Variants in PDE4B observed in about 807,000 individuals in gnomAD.
PDE4B encodes the protein 3',5'-cyclic-AMP phosphodiesterase 4B.
In PDE4B, 20 loss-of-function variants were observed where a neutral mutation model predicts 82.2. That is an observed-to-expected ratio of 0.24 (90% confidence interval 0.17 to 0.35). The LOEUF is 0.35. Among genes scored for constraint, PDE4B ranks in the 10% least tolerant of loss-of-function variants. PDE4B has a pLI of 1.00. For missense variants in PDE4B, 655 were observed against 907.2 expected, an observed-to-expected ratio of 0.72 and a Z score of 3.57; for synonymous variants, 320 against 318.9, an observed-to-expected ratio of 1.00 and a Z score of -0.04.
chr1:66,368,941 AAC>A lies in PDE4B; in HGVS notation c.1823_1824del (p.Thr608SerfsTer29). The A allele has an allele frequency of 6.2e-7, 1 of 1,610,970 alleles. No individual in the cohort carries two copies. The highest frequency in any genetic ancestry group is 8.5e-7 in the Non-Finnish European group (1 of 1,178,820). ...ATGGAAATTAGCCCAATGTGTGATA[AAC>A]ACACAGCTTCTGTGGAAAAATCCCA... On this transcript the variant is annotated frameshift_variant, in exon 16 of 17. Transcript: ENST00000341517. LOFTEE classifies it high-confidence loss of function.
At chr1:66,347,226 A>T (rs1000220262) in intron 8 of PDE4B, among the ~76,000 whole-genome samples, 1 of 152,194 alleles carries the variant, frequency 6.6e-6, no homozygotes, top group Non-Finnish European at 1.5e-5. Context: ...TGTTCAAAGC[A>T]TCTCTCCATC....
intron 3 of PDE4B, among the ~76,000 whole-genome samples, chr1:66,105,200 C>T (rs531320411): frequency 6.8e-6 from 1 of 146,748 alleles, no homozygotes; most frequent in Non-Finnish European, 1.5e-5. Flanking sequence ...ATAGGGAATC[C>T]TTTCCCCATT....
At position 65,918,708 on chromosome 1, in the gene PDE4B, T is replaced by C; in HGVS notation, c.154T>C (p.Leu52=). The change falls in exon 3 of 17, where the codon TTA becomes CTA. Residue 52 remains leucine, a synonymous_variant. Coordinates refer to ENST00000341517, the MANE Select transcript of PDE4B (RefSeq NM_002600.4). ...AAGGTGTTGCTCAGGAAACTTACAGTTACCACCACTGTCTCAAAGACAGAG... is the reference window on the plus strand; with the variant it reads ...AAGGTGTTGCTCAGGAAACTTACAGCTACCACCACTGTCTCAAAGACAGAG... ...GRRCCSGNLQ[L]PPLSQRQSER... 6.2e-7 allele frequency: 1 copy of C among 1,613,556 alleles called. No homozygotes were observed. The highest frequency in any genetic ancestry group is 1.3e-5 in the African/African-American group (1 of 75,044).
intron 2 of PDE4B, among the ~76,000 whole-genome samples, chr1:65,914,563 C>A (rs1352189033): frequency 3.4e-5 from 5 of 145,896 alleles, no homozygotes; most frequent in African/African-American, 1.3e-4. Context: ...GCTCAGGATA[C>A]CTAAAAGAAA....
chr1:66,313,368 G>A (rs1358961236), intron 7 of PDE4B, among the ~76,000 whole-genome samples: 1 of 152,200 alleles, frequency 6.6e-6, no homozygotes, highest in Non-Finnish European at 1.5e-5. Context: ...GGCAGTGACT[G>A]AGTGATTTAC....
chr1:66,127,327 A>G lies in PDE4B; in HGVS notation c.282-120133A>G, dbSNP rs139515523. ...TGTAGCTTTTTTGTAAGTTTAAACTATTTTCAAAATAAAAATGATGTAAAT... is the reference window on the plus strand; with the variant it reads ...TGTAGCTTTTTTGTAAGTTTAAACTGTTTTCAAAATAAAAATGATGTAAAT... On this transcript the variant is annotated intron_variant, in intron 3 of 16. Coordinates refer to ENST00000341517, the MANE Select transcript of PDE4B (RefSeq NM_002600.4). Among the ~76,000 whole-genome samples, 1,090 of 152,196 alleles carry G rather than the reference A, an allele frequency of 7.2e-3. 12 individuals are homozygous for G. Among genetic ancestry groups the G allele is most frequent in the African/African-American group, 0.024 (1,005 of 41,534 alleles).
chr1:65,850,440 T>C (rs1646318667), intron 1 of PDE4B, among the ~76,000 whole-genome samples: 1 of 152,202 alleles, frequency 6.6e-6, no homozygotes, highest in East Asian at 1.9e-4. Context: ...TAGTGTAGAA[T>C]GGTGTAGTGA....
At chr1:65,940,085 C>A (rs1246892581) in intron 3 of PDE4B, among the ~76,000 whole-genome samples, 1 of 152,030 alleles carries the variant, frequency 6.6e-6, no homozygotes, top group Non-Finnish European at 1.5e-5. Context: ...ATAAGCTGAG[C>A]AAAAGAATGC....
At chr1:66,226,536 G>A (rs1004250634) in intron 3 of PDE4B, among the ~76,000 whole-genome samples, 1 of 152,166 alleles carries the variant, frequency 6.6e-6, no homozygotes, top group Non-Finnish European at 1.5e-5. Context: ...ATATGAAGGA[G>A]CCACTTTGTG....
intron 3 of PDE4B, among the ~76,000 whole-genome samples, chr1:66,067,677 A>G (rs183052650): frequency 1.4e-4 from 22 of 152,114 alleles, no homozygotes; most frequent in Non-Finnish European, 1.5e-5. Flanking sequence ...TCCTGTGCAG[A>G]AGTTCTTTAG....
At chr1:65,882,680 A>ATGTGTGTGTGTG (rs5774774) in intron 1 of PDE4B, among the ~76,000 whole-genome samples, 1 of 149,844 alleles carries the variant, frequency 6.7e-6, no homozygotes, top group African/African-American at 2.4e-5. Context: ...TTTGAAAAAT[A>ATGTGTGTGTGTG]TGTGTGTGTG....
intron 1 of PDE4B, among the ~76,000 whole-genome samples, chr1:65,909,109 A>G (rs976780855): frequency 1.3e-5 from 2 of 152,160 alleles, no homozygotes; most frequent in East Asian, 1.9e-4. Flanking sequence ...GATATTGCAT[A>G]TGGAAAACAG....
chr1:66,170,377 C>T (rs1385110906), intron 3 of PDE4B, among the ~76,000 whole-genome samples: 1 of 152,016 alleles, frequency 6.6e-6, no homozygotes, highest in Admixed American at 6.6e-5. Flanking sequence ...TTAAAATTTC[C>T]TTACCTTTTC....
intron 3 of PDE4B, among the ~76,000 whole-genome samples, chr1:65,929,699 G>C (rs1162698776): frequency 1.3e-5 from 2 of 152,208 alleles, no homozygotes; most frequent in East Asian, 1.9e-4. Context: ...GCTTCATTAC[G>C]TTCCTTGGTT....
chr1:66,043,302 TTCAG>T (rs1454643742), intron 3 of PDE4B, among the ~76,000 whole-genome samples: 1 of 151,842 alleles, frequency 6.6e-6, no homozygotes, highest in Non-Finnish European at 1.5e-5. Flanking sequence ...GCTTCACTAT[TTCAG>T]TCAATCTGTG....
intron 8 of PDE4B, among the ~76,000 whole-genome samples, chr1:66,342,482 G>A (rs1661062662): frequency 6.6e-6 from 1 of 151,350 alleles, no homozygotes; most frequent in Admixed American, 6.6e-5. Flanking sequence ...AGCCAAGGTG[G>A]GCGGATTACT....
At chr1:66,181,221 A>G (rs1322643778) in intron 3 of PDE4B, among the ~76,000 whole-genome samples, 1 of 152,222 alleles carries the variant, frequency 6.6e-6, no homozygotes, top group Non-Finnish European at 1.5e-5. Flanking sequence ...TTTCACAGCT[A>G]AATGAATGGG....
intron 3 of PDE4B, among the ~76,000 whole-genome samples, chr1:66,203,181 T>C (rs1000913746): frequency 6.6e-6 from 1 of 152,164 alleles, no homozygotes; most frequent in Non-Finnish European, 1.5e-5. Context: ...TGGCCCCCAC[T>C]GTCTTCTGGC....
chr1:66,190,137 T>C (rs566262387), intron 3 of PDE4B, among the ~76,000 whole-genome samples: 1 of 152,340 alleles, frequency 6.6e-6, no homozygotes, highest in East Asian at 1.9e-4. Flanking sequence ...CAGTGGAGGC[T>C]GCAGAACAGC....
Sources: gnomAD v4.1 joint callset for allele counts (sites outside exome capture counted in the v4.1 genomes callset) on GRCh38, gnomAD v4.1.1 for gene constraint, MANE v1.5 for transcripts, NCBI Gene and HGNC (gene_info 2026-07-23, HGNC 2026-07-21) for gene names.